Variants in LRRC8D observed in about 807,000 individuals in gnomAD.
The protein encoded by LRRC8D is leucine rich repeat containing 8 VRAC subunit D.
Under a neutral mutation model 55.8 loss-of-function variants are expected in LRRC8D, and 20 were observed. The ratio of observed to expected loss-of-function variants is 0.36; its 90% CI spans 0.25 to 0.52. LRRC8D has a LOEUF of 0.52. LRRC8D is among the 20% of genes least tolerant of loss of function. LRRC8D has a pLI of 0.93. For synonymous variants in LRRC8D, 352 were observed against 377.0 expected (o/e 0.93, Z 0.77); for missense variants, 651 against 1,030.8 (o/e 0.63, Z 5.05).
chr1:89,852,578 C>T (rs1234683056), intron 2 of LRRC8D, among the ~76,000 whole-genome samples: 3 of 152,168 alleles, frequency 2.0e-5, no homozygotes, highest in Non-Finnish European at 4.4e-5. Context: ...AAACCACTAA[C>T]TGGAACTTAA....
intron 2 of LRRC8D, among the ~76,000 whole-genome samples, chr1:89,849,685 A>G (rs1229952031): frequency 6.6e-6 from 1 of 152,058 alleles, no homozygotes; most frequent in Non-Finnish European, 1.5e-5. Flanking sequence ...TTATGTCTTT[A>G]GCCTGCCCTT....
chr1:89,852,922 C>G (rs1336649582), intron 2 of LRRC8D, among the ~76,000 whole-genome samples: 1 of 152,192 alleles, frequency 6.6e-6, no homozygotes, highest in Non-Finnish European at 1.5e-5. Context: ...AAACCCATGT[C>G]TAGGGCCATG....
chr1:89,896,646 G>C (rs1454686902), intron 2 of LRRC8D, among the ~76,000 whole-genome samples: 1 of 152,188 alleles, frequency 6.6e-6, no homozygotes, highest in Non-Finnish European at 1.5e-5. Context: ...CAGAGGTCAG[G>C]ACTGTAGTCA....
At chr1:89,830,758 G>C (rs970529779) in intron 1 of LRRC8D, among the ~76,000 whole-genome samples, 2 of 152,176 alleles carry the variant, frequency 1.3e-5, no homozygotes, top group Admixed American at 6.5e-5. Context: ...GATTTTAAAG[G>C]TTGGCTAATT....
chr1:89,891,144 G>T (rs550855720), intron 2 of LRRC8D, among the ~76,000 whole-genome samples: 196 of 152,174 alleles, frequency 1.3e-3, no homozygotes, highest in African/African-American at 4.6e-3. Flanking sequence ...CCTCCCAAAG[G>T]GCTGGGATTA....
intron 2 of LRRC8D, among the ~76,000 whole-genome samples, chr1:89,903,573 GAT>G (rs1662916263): frequency 1.3e-5 from 2 of 152,158 alleles, no homozygotes; most frequent in South Asian, 4.1e-4. Flanking sequence ...GGTGGTATTA[GAT>G]ATTTTATCTC....
At chr1:89,887,746 T>A (rs1231678359) in intron 2 of LRRC8D, among the ~76,000 whole-genome samples, 2 of 152,218 alleles carry the variant, frequency 1.3e-5, no homozygotes, top group African/African-American at 4.8e-5. Context: ...TTAAGCCTTA[T>A]GCAATCAAAA....
At chr1:89,851,856 A>T (rs999396613) in intron 2 of LRRC8D, among the ~76,000 whole-genome samples, 10 of 152,202 alleles carry the variant, frequency 6.6e-5, no homozygotes, top group African/African-American at 2.4e-4. Flanking sequence ...TGTACATAGC[A>T]TGGCTTATTA....
chr1:89,829,007 A>G (rs1660827825), intron 1 of LRRC8D, among the ~76,000 whole-genome samples: 1 of 152,180 alleles, frequency 6.6e-6, no homozygotes. Context: ...ATAGGACAGA[A>G]CTCTTCAGAT....
chr1:89,874,539 C>T (rs1662103142), intron 2 of LRRC8D, among the ~76,000 whole-genome samples: 1 of 151,336 alleles, frequency 6.6e-6, no homozygotes, highest in Admixed American at 6.6e-5. Context: ...TTTACTATTA[C>T]CCTTCAGTGA....
At chr1:89,916,706 T>G (rs1375690740) in intron 2 of LRRC8D, among the ~76,000 whole-genome samples, 1 of 151,726 alleles carries the variant, frequency 6.6e-6, no homozygotes, top group African/African-American at 2.4e-5. Flanking sequence ...CTTCGTTGAT[T>G]TTTTTTTTCT....
chr1:89,883,249 C>A (rs1394726203), intron 2 of LRRC8D, among the ~76,000 whole-genome samples: 1 of 151,330 alleles, frequency 6.6e-6, no homozygotes, highest in Non-Finnish European at 1.5e-5. Context: ...TGTTAAGGGA[C>A]AGTATTTTCA....
chr1:89,888,678 G>A (rs984747910), intron 2 of LRRC8D, among the ~76,000 whole-genome samples: 2 of 152,270 alleles, frequency 1.3e-5, no homozygotes, highest in East Asian at 1.9e-4. Context: ...GCGGGGGCAG[G>A]GAATGTGCAA....
At chr1:89,915,490 T>A (rs1485496978) in intron 2 of LRRC8D, among the ~76,000 whole-genome samples, 1 of 152,254 alleles carries the variant, frequency 6.6e-6, no homozygotes, top group African/African-American at 2.4e-5. Flanking sequence ...ATAAATTCTA[T>A]CACTTGTAAG....
intron 2 of LRRC8D, among the ~76,000 whole-genome samples, chr1:89,883,275 G>A (rs1052461014): frequency 5.3e-5 from 8 of 152,112 alleles, no homozygotes; most frequent in Non-Finnish European, 1.2e-4. Flanking sequence ...TTATTTCAGA[G>A]GGTACTTTGA....
At chr1:89,889,580 TA>T (rs58885629) in intron 2 of LRRC8D, among the ~76,000 whole-genome samples, 2,607 of 142,526 alleles carry the variant, frequency 0.018, 64 homozygotes, top group African/African-American at 0.055. Flanking sequence ...AATGTTTGTT[TA>T]AAAAAAAAAA....
At chr1:89,883,405 G>A (rs751649995) in intron 2 of LRRC8D, among the ~76,000 whole-genome samples, 1 of 152,144 alleles carries the variant, frequency 6.6e-6, no homozygotes, top group African/African-American at 2.4e-5. Flanking sequence ...GAGAATGGGG[G>A]ATATCCAAGC....
intron 2 of LRRC8D, among the ~76,000 whole-genome samples, chr1:89,849,708 G>C (rs531741256): frequency 2.0e-5 from 3 of 151,700 alleles, no homozygotes; most frequent in Admixed American, 2.0e-4. Flanking sequence ...TTTTCTGTTG[G>C]GTCTCTTGCC....
chr1:89,866,946 T>C (rs1171120367), intron 2 of LRRC8D, among the ~76,000 whole-genome samples: 1 of 152,212 alleles, frequency 6.6e-6, no homozygotes, highest in Non-Finnish European at 1.5e-5. Context: ...CGAAGGTATT[T>C]TATTAAGCCA....
Sources: allele counts gnomAD v4.1 joint callset (sites outside exome capture counted in the v4.1 genomes callset), GRCh38; gene constraint gnomAD v4.1.1; transcripts MANE v1.5; gene names NCBI Gene and HGNC (gene_info 2026-07-23, HGNC 2026-07-21).